ZNF77: variants seen among roughly 807,000 people sequenced by gnomAD.
ZNF77 encodes the protein zinc finger protein 77.
ZNF77 carries 15 observed loss-of-function variants against 13.5 expected under a neutral mutation model. The observed-to-expected ratio is 1.11, with a 90% confidence interval of 0.74 to 1.71. ZNF77 has a LOEUF of 1.71. ZNF77 is among the 40% of genes most tolerant of loss of function. The probability of loss-of-function intolerance (pLI) is 0.00; values close to 1 mark genes in which losing one functional copy is unlikely to be tolerated. For missense variants in ZNF77, 717 were observed against 676.4 expected, an observed-to-expected ratio of 1.06 and a Z score of -0.67; for synonymous variants, 282 against 250.0, an observed-to-expected ratio of 1.13 and a Z score of -1.21.
chr19:2,944,935 G>A lies in ZNF77; in HGVS notation c.-95C>T. On this transcript the variant is annotated 5_prime_UTR_variant, in exon 1 of 4. Transcript: ENST00000314531. ...CAGGACACCTGAGCCGCTCGGGGTA[G>A]GCGGGGAAGCGCGCAAGGCAGAGGG... 6.9e-7 allele frequency: 1 copy of A among 1,439,772 alleles called. No individual in the cohort carries two copies. The highest frequency in any genetic ancestry group is 9.1e-7 in the Non-Finnish European group (1 of 1,094,084). The allele number at this position is 1,439,772 out of a possible 1,614,324, so 89.2% of individuals were successfully genotyped here. A position where few individuals can be genotyped will look rare whatever the true frequency, so the allele number is the denominator to read the frequency against.
Position 2,933,837 on chromosome 19 carries a change from A to G in ZNF77, c.1290T>C (p.His430=), listed in dbSNP as rs1360406901. The G allele has an allele frequency of 1.9e-6, 3 of 1,611,048 alleles. No individual in the cohort carries two copies. The African/African-American group carries it at 4.0e-5, about 22-fold the overall frequency. The part of the protein sequence containing the change: ...SSSLRIHVRT[H]TGEKPFECKH... Reference sequence around the variant, plus strand: ...TACACTCAAAGGGCTTCTCTCCAGTATGCGTCCTCACGTGGATTCGAAGGG... The same window carrying G: ...TACACTCAAAGGGCTTCTCTCCAGTGTGCGTCCTCACGTGGATTCGAAGGG... The change falls in exon 4 of 4, where the codon CAT becomes CAC. Residue 430 remains histidine, a synonymous_variant. Transcript: ENST00000314531.
chr19:2,944,607 T>C (rs2144973656), intron 1 of ZNF77, among the ~76,000 whole-genome samples: 1 of 151,552 alleles, frequency 6.6e-6, no homozygotes, highest in East Asian at 2.0e-4. Flanking sequence ...ACTCCTGACC[T>C]GTACTGTCCC....
chr19:2,934,931 A>G lies in ZNF77; in HGVS notation c.312-116T>C, dbSNP rs569798815. On this transcript the variant is annotated intron_variant, in intron 3 of 3. Coordinates refer to ENST00000314531, the MANE Select transcript of ZNF77 (RefSeq NM_021217.3). Reference sequence around the variant, plus strand: ...TTTGCCAATTTCACTGAATGGTTCTATTTTCAGCACTGTCTGCCTGGTTTC... The same window carrying G: ...TTTGCCAATTTCACTGAATGGTTCTGTTTTCAGCACTGTCTGCCTGGTTTC... The G allele has an allele frequency of 6.3e-5, 84 of 1,342,692 alleles. No individual in the cohort carries two copies. The East Asian group carries it at 1.5e-3, about 25-fold the overall frequency. The allele number at this position is 1,342,692 out of a possible 1,614,324, so 83.2% of individuals were successfully genotyped here.
At chr19:2,934,945 C>G (rs1466934283) in intron 3 of ZNF77, 130 bp from the exon 4 acceptor site, 6 of 1,225,742 alleles carry the variant, frequency 4.9e-6, no homozygotes, top group Non-Finnish European at 6.6e-6. Flanking sequence ...TCAGCACTGT[C>G]TGCCTGGTTT....
intron 3 of ZNF77, among the ~76,000 whole-genome samples, chr19:2,935,265 G>C (rs1363281753): frequency 6.6e-6 from 1 of 150,394 alleles, no homozygotes; most frequent in Non-Finnish European, 1.5e-5. Flanking sequence ...TGATCCGCCT[G>C]CCTCGGCCTC....
chr19:2,936,047 AAAAT>A (rs1386395477), intron 3 of ZNF77, among the ~76,000 whole-genome samples: 2 of 150,232 alleles, frequency 1.3e-5, no homozygotes, highest in African/African-American at 4.9e-5. Flanking sequence ...AAATAAAAAT[AAAAT>A]AAAATAAATA....
Position 2,939,346 on chromosome 19 carries a change from T to C in ZNF77, c.65A>G (p.Asp22Gly). ...TCTGTAGAGGCTCCTCTGAGCATGA[T>C]CCAGCAATGCCCACTCTTCTGGGGT... is the stretch of plus-strand genomic sequence containing the variant. ...NFTPEEWALL[D>G]HAQRSLYRDV... The change falls in exon 2 of 4, where the codon GAT (aspartate) becomes GGT (glycine). Residue 22 changes from aspartate (D) to glycine (G), a missense_variant. Coordinates refer to ENST00000314531, the MANE Select transcript of ZNF77 (RefSeq NM_021217.3). 6.2e-7 allele frequency: 1 copy of C among 1,614,172 alleles called. No individual in the cohort carries two copies. The highest frequency in any genetic ancestry group is 1.1e-5 in the South Asian group (1 of 91,090).
At position 2,934,717 on chromosome 19, in the gene ZNF77, G is replaced by T; in HGVS notation, c.410C>A (p.Thr137Asn). ...ANLLVHKSYP[T>N]EAKPSECTKC... ...AGTGCACTCAGAGGGTTTAGCTTCG[G>T]TAGGGTAACTCTTGTGCACAAGAAG... is the stretch of plus-strand genomic sequence containing the variant. Residue 137 changes from threonine to asparagine, a missense_variant, in exon 4 of 4, where the codon ACC becomes AAC. Thr to Asn is a moderately conservative substitution (Grantham distance 65). Transcript: ENST00000314531. 1 of 1,614,146 alleles carries T rather than the reference G, an allele frequency of 6.2e-7. No homozygotes were observed. Among genetic ancestry groups the T allele is most frequent in the Middle Eastern group, 1.6e-4 (1 of 6,062 alleles).
At chr19:2,936,359 A>G (rs1599618279) in intron 3 of ZNF77, among the ~76,000 whole-genome samples, 165 bp downstream of exon 3, 5 of 152,090 alleles carry the variant, frequency 3.3e-5, no homozygotes, top group Non-Finnish European at 4.4e-5. Context: ...GTGTTGGCCA[A>G]GCTGGTTTCG....
chr19:2,943,168 G>A (rs1224250194), intron 1 of ZNF77, among the ~76,000 whole-genome samples: 5 of 151,754 alleles, frequency 3.3e-5, no homozygotes, highest in Non-Finnish European at 5.9e-5. Context: ...CATTAGTCCC[G>A]CAGCTCAATC....
intron 1 of ZNF77, among the ~76,000 whole-genome samples, chr19:2,942,260 C>T (rs573779975): frequency 1.3e-5 from 2 of 151,582 alleles, no homozygotes; most frequent in African/African-American, 2.4e-5. Flanking sequence ...TTAGTAGAGA[C>T]GGGGTTTCCC....
rs963530435 is a variant in ZNF77, at chr19:2,936,062, AAAGT to A, written c.311+458_311+461del. Among the ~76,000 whole-genome samples, 335 of 145,278 alleles carry A rather than the reference AAAGT, an allele frequency of 2.3e-3. 5 individuals carry two copies. Among genetic ancestry groups the A allele is most frequent in the Middle Eastern group, 3.5e-3 (1 of 288 alleles). ...AAATAAAAATAAAATAAAATAAATA[AAAGT>A]AATTATTAAAATATATTTTTAAAAA... On this transcript the variant is annotated intron_variant, in intron 3 of 3. Transcript: ENST00000314531.
Position 2,933,444 on chromosome 19 carries a change from G to A in ZNF77, c.*45C>T. ...ATAACGTTTCTCACATTTACAACAA[G>A]GTTTTACGGTTGAACACTCTCCCAG... On this transcript the variant is annotated 3_prime_UTR_variant, in exon 4 of 4. Coordinates refer to ENST00000314531, the MANE Select transcript of ZNF77 (RefSeq NM_021217.3). 6.7e-7 allele frequency: 1 copy of A among 1,501,810 alleles called. No individual in the cohort carries two copies. Among genetic ancestry groups the A allele is most frequent in the Non-Finnish European group, 8.9e-7 (1 of 1,126,630 alleles). The allele number at this position is 1,501,810 out of a possible 1,614,324, so 93.0% of individuals were successfully genotyped here. A position where few individuals can be genotyped will look rare whatever the true frequency, so the allele number is the denominator to read the frequency against.
At chr19:2,942,823 A>T (rs371122035) in intron 1 of ZNF77, among the ~76,000 whole-genome samples, 26 of 152,272 alleles carry the variant, frequency 1.7e-4, no homozygotes, top group African/African-American at 6.0e-4. Context: ...AGGTGTGCCC[A>T]GGCTGGAGTG....
chr19:2,941,220 G>A (rs1471746310), intron 1 of ZNF77, among the ~76,000 whole-genome samples: 2 of 146,744 alleles, frequency 1.4e-5, no homozygotes, highest in Non-Finnish European at 3.0e-5. Context: ...GCTCACACCT[G>A]TAATCTCAGC....
chr19:2,940,162 A>T (rs1568194152), intron 1 of ZNF77, among the ~76,000 whole-genome samples: 1 of 152,104 alleles, frequency 6.6e-6, no homozygotes. Context: ...TCTTAAAAAA[A>T]AAAATTAAAT....
intron 1 of ZNF77, among the ~76,000 whole-genome samples, chr19:2,943,679 T>G (rs2144972368): frequency 6.7e-6 from 1 of 148,836 alleles, no homozygotes; most frequent in Non-Finnish European, 1.5e-5. Context: ...TTCTCTCTCC[T>G]TCTCTAGCCA....
chr19:2,937,341 C>G (rs7255043), intron 2 of ZNF77, among the ~76,000 whole-genome samples: 1 of 151,938 alleles, frequency 6.6e-6, no homozygotes, highest in Admixed American at 6.6e-5. Context: ...AAAAATCAGC[C>G]GGGCATAGTG....
intron 1 of ZNF77, among the ~76,000 whole-genome samples, chr19:2,941,811 A>G (rs769680737): frequency 1.3e-5 from 2 of 152,116 alleles, no homozygotes; most frequent in Non-Finnish European, 2.9e-5. Context: ...CAAACTCTGC[A>G]CCCTGCCTAA....
Sources: allele counts gnomAD v4.1 joint callset (sites outside exome capture counted in the v4.1 genomes callset), GRCh38; gene constraint gnomAD v4.1.1; transcripts MANE v1.5; gene names NCBI Gene and HGNC (gene_info 2026-07-23, HGNC 2026-07-21).